The following KIFAP3 variants were observed in gnomAD, a reference collection of about 807,000 sequenced individuals.
KIFAP3 encodes kinesin associated protein 3.
Under a neutral mutation model 106.5 loss-of-function variants are expected in KIFAP3, and 68 were observed. The ratio of observed to expected loss-of-function variants is 0.64; its 90% CI spans 0.53 to 0.78. The LOEUF is 0.78. Among genes scored for constraint, KIFAP3 ranks in the 30% least tolerant of loss-of-function variants. KIFAP3 has a pLI of 0.00. For missense variants in KIFAP3, 780 were observed against 941.8 expected, an observed-to-expected ratio of 0.83 and a Z score of 2.25; for synonymous variants, 320 against 311.5, an observed-to-expected ratio of 1.03 and a Z score of -0.29.
chr1:170,055,302 T>TA lies in KIFAP3; in HGVS notation c.164+2dup. 6.3e-7 allele frequency: 1 copy of TA among 1,593,734 alleles called. No homozygotes were observed. The highest frequency in any genetic ancestry group is 8.5e-7 in the Non-Finnish European group (1 of 1,174,366). ...TCAAAATGTGCACAAATAAAGAACT[T>TA]ACATTTTTTGACATTCTTTTCGTTC... On this transcript the variant is annotated splice_region_variant and intron_variant, in intron 2 of 19. Transcript: ENST00000361580.
intron 8 of KIFAP3, among the ~76,000 whole-genome samples, chr1:170,028,913 C>T (rs1237162501): frequency 3.3e-5 from 5 of 151,766 alleles, no homozygotes; most frequent in East Asian, 1.9e-4. Context: ...ATCTCAAATA[C>T]GTAAGAAGGC....
chr1:170,080,598 A>G (rs1030218673), intron 1 of KIFAP3, among the ~76,000 whole-genome samples: 1 of 152,116 alleles, frequency 6.6e-6, no homozygotes, highest in African/African-American at 2.4e-5. Context: ...TAGAAAGAGA[A>G]TGACTCACTT....
chr1:169,928,224 A>C (rs2474704), intron 19 of KIFAP3, among the ~76,000 whole-genome samples: 141,965 of 151,810 alleles, frequency 0.94, 66,467 homozygotes, highest in East Asian at 0.99. Context: ...CTCAGCCTCC[A>C]AATTAGCTGG....
intron 19 of KIFAP3, among the ~76,000 whole-genome samples, chr1:169,942,914 C>CT: frequency 1.0e-5 from 1 of 97,678 alleles, no homozygotes; most frequent in Non-Finnish European, 1.9e-5. Flanking sequence ...AAAGACGCCC[C>CT]CCCCCACCCC....
chr1:170,067,278 T>A (rs1457081549), intron 1 of KIFAP3, among the ~76,000 whole-genome samples: 2 of 151,990 alleles, frequency 1.3e-5, no homozygotes, highest in African/African-American at 4.8e-5. Context: ...CAGAGCAATA[T>A]ATGAAAAGAT....
At chr1:169,933,884 T>A (rs1663637019) in intron 19 of KIFAP3, among the ~76,000 whole-genome samples, 1 of 152,142 alleles carries the variant, frequency 6.6e-6, no homozygotes, top group Non-Finnish European at 1.5e-5. Flanking sequence ...GAATGGGATT[T>A]GTGTCTCTAC....
chr1:170,071,842 T>C (rs565898239), intron 1 of KIFAP3, among the ~76,000 whole-genome samples: 1 of 152,306 alleles, frequency 6.6e-6, no homozygotes, highest in African/African-American at 2.4e-5. Context: ...GCAAATATTA[T>C]GCAGCTATAT....
At chr1:169,989,930 C>A in intron 11 of KIFAP3, 1 of 889,222 alleles carries the variant, frequency 1.1e-6, no homozygotes, top group African/African-American at 1.8e-5. Flanking sequence ...AAGTAACATG[C>A]ATTTAATAAT....
chr1:170,030,188 A>G (rs545811473), intron 8 of KIFAP3, among the ~76,000 whole-genome samples: 3 of 152,086 alleles, frequency 2.0e-5, no homozygotes, highest in Admixed American at 1.3e-4. Context: ...TCTGCAAATC[A>G]TGTATCTGAT....
chr1:170,053,383 T>C (rs552870196), intron 2 of KIFAP3, among the ~76,000 whole-genome samples: 1 of 151,778 alleles, frequency 6.6e-6, no homozygotes, highest in Non-Finnish European at 1.5e-5. Context: ...TCCTCATGGA[T>C]AGGAAGAAAA....
intron 16 of KIFAP3, among the ~76,000 whole-genome samples, chr1:169,975,368 T>C (rs577583076): frequency 3.1e-5 from 4 of 129,388 alleles, no homozygotes; most frequent in Non-Finnish European, 4.8e-5. Flanking sequence ...TTATATCAAA[T>C]AATATTGATC....
chr1:169,964,565 T>G (rs1050056945), intron 17 of KIFAP3, among the ~76,000 whole-genome samples: 4 of 152,142 alleles, frequency 2.6e-5, no homozygotes, highest in African/African-American at 9.7e-5. Flanking sequence ...TTGGAAGAAG[T>G]AGCTTCTGGT....
chr1:169,931,811 TTAAC>T (rs1249208148), intron 19 of KIFAP3, among the ~76,000 whole-genome samples: 1 of 152,212 alleles, frequency 6.6e-6, no homozygotes, highest in Non-Finnish European at 1.5e-5. Context: ...CAGCGACAGT[TTAAC>T]TATACTGTCT....
chr1:170,028,938 A>G (rs1669256368), intron 8 of KIFAP3, among the ~76,000 whole-genome samples: 1 of 152,160 alleles, frequency 6.6e-6, no homozygotes. Flanking sequence ...AAGAAGGAAA[A>G]AGGAGGAAGA....
At chr1:169,986,198 T>C (rs1666821546) in intron 11 of KIFAP3, among the ~76,000 whole-genome samples, 1 of 151,894 alleles carries the variant, frequency 6.6e-6, no homozygotes, top group South Asian at 2.1e-4. Flanking sequence ...TTACTGTTAG[T>C]TCAAGATGAC....
At chr1:170,041,873 C>A in intron 3 of KIFAP3, 2 of 1,381,514 alleles carry the variant, frequency 1.4e-6, no homozygotes, top group Non-Finnish European at 1.9e-6. Flanking sequence ...GGGGAATTTC[C>A]CCAACTGGAA....
intron 1 of KIFAP3, among the ~76,000 whole-genome samples, chr1:170,072,591 A>T (rs1335221034): frequency 1.3e-5 from 2 of 152,234 alleles, no homozygotes; most frequent in African/African-American, 4.8e-5. Flanking sequence ...GATTCAAAAA[A>T]AATTATTTTT....
At chr1:170,039,351 T>C (rs1245343264) in intron 3 of KIFAP3, 63 bp from the exon 4 acceptor site, 1 of 882,744 alleles carries the variant, frequency 1.1e-6, no homozygotes, top group Non-Finnish European at 1.8e-6. Flanking sequence ...GTAATTTTTA[T>C]TTTCAGCAGC....
At chr1:170,074,929 T>G (rs907149578), upstream of KIFAP3, among the ~76,000 whole-genome samples, 1 of 152,218 alleles carries the variant, frequency 6.6e-6, no homozygotes, top group African/African-American at 2.4e-5. Flanking sequence ...GATAACCTTT[T>G]AGTTAGCGAA....
Sources: allele counts gnomAD v4.1 joint callset (sites outside exome capture counted in the v4.1 genomes callset), GRCh38; gene constraint gnomAD v4.1.1; transcripts MANE v1.5; gene names NCBI Gene and HGNC (gene_info 2026-07-23, HGNC 2026-07-21).